Variants in KCND2 observed in about 807,000 individuals in gnomAD.
KCND2 encodes the protein A-type voltage-gated potassium channel KCND2.
KCND2 carries 16 observed loss-of-function variants against 54.4 expected under a neutral mutation model. That is an observed-to-expected ratio of 0.29 (90% CI 0.20 to 0.45). The LOEUF (loss-of-function observed/expected upper bound fraction) is 0.45, where lower values mean the gene tolerates loss of function less well. Among genes scored for constraint, KCND2 ranks in the 20% least tolerant of loss-of-function variants. KCND2 has a pLI of 1.00. For synonymous variants in KCND2, 317 were observed against 310.7 expected, an observed-to-expected ratio of 1.02 and a Z score of -0.21; for missense variants, 486 against 824.2, an observed-to-expected ratio of 0.59 and a Z score of 5.02.
intron 1 of KCND2, among the ~76,000 whole-genome samples, chr7:120,452,958 G>A (rs2116221784): frequency 6.6e-6 from 1 of 152,240 alleles, no homozygotes; most frequent in East Asian, 1.9e-4. Context: ...TTCCTGCTAG[G>A]CAGCATGGCC....
At chr7:120,680,856 A>C (rs946735177) in intron 1 of KCND2, among the ~76,000 whole-genome samples, 4 of 152,190 alleles carry the variant, frequency 2.6e-5, no homozygotes, top group African/African-American at 7.2e-5. Context: ...GAATAGTGAT[A>C]ATTTTTGTTT....
At chr7:120,290,512 A>G (rs1453609901) in intron 1 of KCND2, among the ~76,000 whole-genome samples, 1 of 152,000 alleles carries the variant, frequency 6.6e-6, no homozygotes, top group African/African-American at 2.4e-5. Flanking sequence ...GTAGTTATAC[A>G]TATCTGTCCC....
Position 120,275,133 on chromosome 7 carries a change from A to G in KCND2, c.501A>G (p.Ala167=). Residue 167 remains alanine (A), a synonymous_variant, in exon 1 of 6, where the codon GCA becomes GCG. Transcript: ENST00000331113. Reference sequence around the variant, plus strand: ...AGAGCGCCTTGCCCACCATGACTGCAAGGCAGAGGGTCTGGAGGGCCTTCG... The same window carrying G: ...AGAGCGCCTTGCCCACCATGACTGCGAGGCAGAGGGTCTGGAGGGCCTTCG... ...AGESALPTMT[A]RQRVWRAFEN... The G allele has an allele frequency of 6.2e-7, 1 of 1,613,822 alleles. No individual in the cohort carries two copies. Among genetic ancestry groups the G allele is most frequent in the Non-Finnish European group, 8.5e-7 (1 of 1,179,938 alleles).
intron 1 of KCND2, among the ~76,000 whole-genome samples, chr7:120,512,344 T>C (rs769962668): frequency 1.3e-5 from 2 of 151,950 alleles, no homozygotes; most frequent in Non-Finnish European, 2.9e-5. Context: ...CATATAAACA[T>C]TTATTAAATA....
chr7:120,530,090 G>C (rs910956741), intron 1 of KCND2, among the ~76,000 whole-genome samples: 4 of 151,902 alleles, frequency 2.6e-5, no homozygotes, highest in Non-Finnish European at 4.4e-5. Flanking sequence ...AAATAAAAGA[G>C]AGAAATAATT....
At chr7:120,433,613 A>G (rs138884120) in intron 1 of KCND2, among the ~76,000 whole-genome samples, 7 of 152,336 alleles carry the variant, frequency 4.6e-5, no homozygotes, top group African/African-American at 1.7e-4. Flanking sequence ...AACCAGCACT[A>G]TTGCCTGGCA....
chr7:120,295,632 A>G (rs1799501803), intron 1 of KCND2, among the ~76,000 whole-genome samples: 1 of 152,010 alleles, frequency 6.6e-6, no homozygotes, highest in Admixed American at 6.6e-5. Context: ...GAGAATGGCA[A>G]ATCAAAGGGA....
At chr7:120,465,614 T>C (rs549493114) in intron 1 of KCND2, among the ~76,000 whole-genome samples, 1 of 152,288 alleles carries the variant, frequency 6.6e-6, no homozygotes, top group East Asian at 1.9e-4. Context: ...TTAGTTTGCA[T>C]GTGTTCAGTT....
rs1793002049 is a variant in KCND2, at chr7:120,746,042, T to G, written c.1715+15T>G. On this transcript the variant is annotated intron_variant, in intron 5 of 5. Coordinates refer to ENST00000331113, the MANE Select transcript of KCND2 (RefSeq NM_012281.3). ...CTGTCTAACAGGTACCTGAGATTAA[T>G]CTGTGTTGTCTACACACCTGTGCTG... 1 of 1,611,286 alleles carries G rather than the reference T, an allele frequency of 6.2e-7. No homozygotes were observed. Among genetic ancestry groups the G allele is most frequent in the Non-Finnish European group, 8.5e-7 (1 of 1,179,532 alleles).
intron 1 of KCND2, among the ~76,000 whole-genome samples, chr7:120,385,927 T>A (rs980647451): frequency 2.0e-5 from 3 of 152,118 alleles, no homozygotes; most frequent in Admixed American, 1.3e-4. Context: ...TGGAAATGAG[T>A]GCAGTGATCA....
intron 1 of KCND2, among the ~76,000 whole-genome samples, chr7:120,281,553 CT>C (rs1056305274): frequency 2.6e-5 from 4 of 152,098 alleles, no homozygotes; most frequent in African/African-American, 9.7e-5. Flanking sequence ...TCCATGAAGG[CT>C]TTTCAGCCCC....
intron 1 of KCND2, among the ~76,000 whole-genome samples, chr7:120,380,117 A>T (rs1477253259): frequency 6.6e-6 from 1 of 152,088 alleles, no homozygotes; most frequent in African/African-American, 2.4e-5. Context: ...AGTATCGTAA[A>T]TCTAGTTCAA....
At chr7:120,288,230 A>T (rs1799377015) in intron 1 of KCND2, among the ~76,000 whole-genome samples, 2 of 152,162 alleles carry the variant, frequency 1.3e-5, no homozygotes, top group African/African-American at 4.8e-5. Flanking sequence ...GCCTCTGAAC[A>T]AAGGAGGAGC....
intron 2 of KCND2, among the ~76,000 whole-genome samples, chr7:120,736,441 C>A (rs1253079351): frequency 2.6e-5 from 4 of 151,884 alleles, no homozygotes; most frequent in Non-Finnish European, 5.9e-5. Context: ...TATTGATTCT[C>A]GTAGTTATAC....
At chr7:120,661,297 T>C (rs1241197869) in intron 1 of KCND2, among the ~76,000 whole-genome samples, 1 of 152,154 alleles carries the variant, frequency 6.6e-6, no homozygotes, top group Non-Finnish European at 1.5e-5. Flanking sequence ...TCATTAGTCA[T>C]GATTATTAGT....
At chr7:120,489,411 C>CAT (rs3067138) in intron 1 of KCND2, among the ~76,000 whole-genome samples, 42,326 of 151,772 alleles carry the variant, frequency 0.28, 8,617 homozygotes, top group African/African-American at 0.56. Flanking sequence ...TCTTTTGAAA[C>CAT]ACACATTCAC....
At chr7:120,281,081 C>A (rs1352457287) in intron 1 of KCND2, among the ~76,000 whole-genome samples, 1 of 152,092 alleles carries the variant, frequency 6.6e-6, no homozygotes, top group Non-Finnish European at 1.5e-5. Context: ...AATCTTTTAC[C>A]TGGCCTGATG....
At chr7:120,372,008 T>C (rs1358004001) in intron 1 of KCND2, among the ~76,000 whole-genome samples, 1 of 151,980 alleles carries the variant, frequency 6.6e-6, no homozygotes, top group Non-Finnish European at 1.5e-5. Context: ...GTTGATTGCA[T>C]ATCCTTGCCA....
At chr7:120,320,334 T>G (rs1356838188) in intron 1 of KCND2, among the ~76,000 whole-genome samples, 3 of 152,174 alleles carry the variant, frequency 2.0e-5, no homozygotes, top group Non-Finnish European at 4.4e-5. Flanking sequence ...CCTAGTATAA[T>G]GGATGTGACC....
Sources: gnomAD v4.1 joint callset for allele counts (sites outside exome capture counted in the v4.1 genomes callset) on GRCh38, gnomAD v4.1.1 for gene constraint, MANE v1.5 for transcripts, NCBI Gene and HGNC (gene_info 2026-07-23, HGNC 2026-07-21) for gene names.